The following NAALADL2 variants were observed in gnomAD, a reference collection of about 807,000 sequenced individuals.
The protein encoded by NAALADL2 is N-acetylated alpha-linked acidic dipeptidase like 2.
NAALADL2 carries 76 observed loss-of-function variants against 87.2 expected under a neutral mutation model. The observed-to-expected ratio is 0.87, with a 90% CI of 0.72 to 1.05. The LOEUF (loss-of-function observed/expected upper bound fraction) is 1.05. Ranked by LOEUF, NAALADL2 falls within the 50% of genes least tolerant of loss-of-function variation. NAALADL2 has a pLI of 0.00. For synonymous variants in NAALADL2, 354 were observed against 331.0 expected, an observed-to-expected ratio of 1.07 and a Z score of -0.75; for missense variants, 1,089 against 945.8, an observed-to-expected ratio of 1.15 and a Z score of -1.99.
At chr3:175,618,710 C>T (rs990916251) in intron 10 of NAALADL2, among the ~76,000 whole-genome samples, 1 of 151,852 alleles carries the variant, frequency 6.6e-6, no homozygotes, top group Non-Finnish European at 1.5e-5. Flanking sequence ...CTCTTTTTTT[C>T]CCTATATTAC....
intron 11 of NAALADL2, among the ~76,000 whole-genome samples, chr3:175,665,758 C>T (rs1355217261): frequency 6.6e-6 from 1 of 152,080 alleles, no homozygotes; most frequent in Non-Finnish European, 1.5e-5. Flanking sequence ...TGGTGAAACC[C>T]CTTCTCTGCT....
At chr3:175,285,814 C>T (rs1410814481) in intron 4 of NAALADL2, among the ~76,000 whole-genome samples, 2 of 151,934 alleles carry the variant, frequency 1.3e-5, no homozygotes, top group African/African-American at 4.8e-5. Context: ...AGGAAAAATA[C>T]CTATTTAATG....
At chr3:174,899,767 G>A (rs1047052155) in intron 1 of NAALADL2, among the ~76,000 whole-genome samples, 14 of 152,022 alleles carry the variant, frequency 9.2e-5, no homozygotes, top group African/African-American at 3.1e-4. Flanking sequence ...AATTTCCAGT[G>A]TTTTTTTCTA....
chr3:174,917,670 C>A (rs1361036694), intron 1 of NAALADL2, among the ~76,000 whole-genome samples: 3 of 151,776 alleles, frequency 2.0e-5, no homozygotes, highest in African/African-American at 7.3e-5. Flanking sequence ...TTATTTGAAA[C>A]CTTTATGGTT....
intron 3 of NAALADL2, among the ~76,000 whole-genome samples, chr3:174,782,162 A>C (rs1716068924): frequency 6.6e-6 from 1 of 152,136 alleles, no homozygotes; most frequent in Non-Finnish European, 1.5e-5. Context: ...GTGCTACATC[A>C]AAAACAGGGT....
At chr3:175,429,263 A>G (rs1224417463) in intron 5 of NAALADL2, among the ~76,000 whole-genome samples, 2 of 150,302 alleles carry the variant, frequency 1.3e-5, no homozygotes, top group South Asian at 2.1e-4. Flanking sequence ...TAATTTCTCA[A>G]TTTTTCAGAT....
intron 2 of NAALADL2, among the ~76,000 whole-genome samples, chr3:175,154,787 C>G (rs2108802148): frequency 6.6e-6 from 1 of 152,138 alleles, no homozygotes; most frequent in African/African-American, 2.4e-5. Flanking sequence ...ATAAATTAAA[C>G]AAAATATAGC....
At chr3:175,244,781 T>G (rs1457151920) in intron 3 of NAALADL2, among the ~76,000 whole-genome samples, 1 of 152,200 alleles carries the variant, frequency 6.6e-6, no homozygotes, top group Non-Finnish European at 1.5e-5. Flanking sequence ...CTTAGCAACG[T>G]CTTCCCTGAC....
At chr3:175,199,490 A>G (rs1047081113) in intron 2 of NAALADL2, among the ~76,000 whole-genome samples, 3 of 151,996 alleles carry the variant, frequency 2.0e-5, no homozygotes, top group African/African-American at 7.2e-5. Context: ...GCAGGCATCC[A>G]AGGGATGAGA....
At chr3:175,016,727 A>T (rs945509271) in intron 1 of NAALADL2, among the ~76,000 whole-genome samples, 1 of 151,910 alleles carries the variant, frequency 6.6e-6, no homozygotes, top group Admixed American at 6.6e-5. Context: ...TGTATGAATG[A>T]TCATAGGAAT....
At chr3:174,563,554 T>A (rs1307503620) in intron 2 of NAALADL2, among the ~76,000 whole-genome samples, 3 of 151,820 alleles carry the variant, frequency 2.0e-5, no homozygotes, top group African/African-American at 7.3e-5. Context: ...AAACTTACAA[T>A]GTCATTCTAG....
chr3:175,105,382 A>G, intron 2 of NAALADL2, among the ~76,000 whole-genome samples: 1 of 151,982 alleles, frequency 6.6e-6, no homozygotes, highest in East Asian at 1.9e-4. Flanking sequence ...GAGGATTATC[A>G]CTTTTTTTGA....
chr3:175,299,094 T>C (rs1278860498), intron 4 of NAALADL2, among the ~76,000 whole-genome samples: 1 of 152,354 alleles, frequency 6.6e-6, no homozygotes, highest in African/African-American at 2.4e-5. Flanking sequence ...TGTGGTGTTA[T>C]TTCTGAGGCC....
intron 11 of NAALADL2, among the ~76,000 whole-genome samples, chr3:175,731,156 A>C (rs1172941445): frequency 6.6e-6 from 1 of 152,178 alleles, no homozygotes; most frequent in Non-Finnish European, 1.5e-5. Flanking sequence ...GTGTTATAGC[A>C]AAAAAAGTAG....
intron 4 of NAALADL2, 150 bp from the exon 5 acceptor site, chr3:175,324,025 A>G: frequency 1.5e-6 from 1 of 668,332 alleles, no homozygotes; most frequent in Non-Finnish European, 2.4e-6. Context: ...CTCAAAAAAC[A>G]AACAAAAAAA....
intron 1 of NAALADL2, among the ~76,000 whole-genome samples, chr3:174,495,935 C>G (rs1370758150): frequency 6.6e-6 from 1 of 152,130 alleles, no homozygotes; most frequent in Admixed American, 6.5e-5. Flanking sequence ...GTTCATACAG[C>G]CATTGAAATG....
chr3:174,866,713 A>G (rs1477669472), intron 1 of NAALADL2, among the ~76,000 whole-genome samples: 1 of 151,808 alleles, frequency 6.6e-6, no homozygotes, highest in African/African-American at 2.4e-5. Flanking sequence ...GCATATGGGC[A>G]TTGATAATAA....
chr3:175,704,790 A>G (rs749931501), intron 11 of NAALADL2, among the ~76,000 whole-genome samples: 1 of 152,142 alleles, frequency 6.6e-6, no homozygotes, highest in Non-Finnish European at 1.5e-5. Flanking sequence ...CTAATGCTTC[A>G]CTTGGTATCA....
At position 174,948,333 on chromosome 3, in the gene NAALADL2, A is replaced by C. The variant is rs192084975; in HGVS notation, c.43+88883A>C. 1.4e-3 allele frequency among the ~76,000 whole-genome samples: 209 copies of C among 151,998 alleles called. 1 individual carries two copies. Among genetic ancestry groups the C allele is most frequent in the Admixed American group, 2.5e-3 (38 of 15,254 alleles). On this transcript the variant is annotated intron_variant, in intron 1 of 13. Transcript: ENST00000454872. ...CTGGGACTATAGGCGTGTGCCACCA[A>C]ACCCGGCTAATTTTTGTAATTTTAG...
Sources: allele counts gnomAD v4.1 joint callset (sites outside exome capture counted in the v4.1 genomes callset), GRCh38; gene constraint gnomAD v4.1.1; transcripts MANE v1.5; gene names NCBI Gene and HGNC (gene_info 2026-07-23, HGNC 2026-07-21).